The following ZNF391 variants were observed in gnomAD, a reference collection of about 807,000 sequenced individuals.
ZNF391 encodes zinc finger protein 391.
For synonymous variants in ZNF391, 126 were observed against 142.1 expected (o/e 0.89, Z 0.80); for missense variants, 375 against 425.5 (o/e 0.88, Z 1.04).
chr6:27,399,747 T>C (rs1231785966), intron 2 of ZNF391, among the ~76,000 whole-genome samples, 197 bp downstream of exon 2: 1 of 152,212 alleles, frequency 6.6e-6, no homozygotes, highest in Admixed American at 6.5e-5. Context: ...TTTAGAAGAA[T>C]ACCTGAAGTA....
chr6:27,382,461 G>A lies in ZNF391; in HGVS notation n.523+7324G>A, dbSNP rs530359623. Among the ~76,000 whole-genome samples the A allele has an allele frequency of 8.1e-4, 123 of 152,164 alleles. 2 individuals are homozygous for A. The South Asian group carries it at 0.024, about 30-fold the overall frequency. On this transcript the variant is annotated intron_variant and non_coding_transcript_variant, in intron 1 of 2. Coordinates refer to the ZNF391 transcript ENST00000477999. Reference sequence around the variant, plus strand: ...ATATCAAGAAAATACAAGAAAATACGAAAAAGGCACAAAATGAAACAAAAC... The same window carrying A: ...ATATCAAGAAAATACAAGAAAATACAAAAAAGGCACAAAATGAAACAAAAC...
intron 1 of ZNF391, among the ~76,000 whole-genome samples, chr6:27,392,985 A>G (rs1193001307): frequency 1.4e-5 from 1 of 71,256 alleles, no homozygotes; most frequent in Non-Finnish European, 3.5e-5. Context: ...ATTTCTGGAG[A>G]CTACTTCCAA....
At chr6:27,398,441 A>G (rs1761875708) in intron 1 of ZNF391, among the ~76,000 whole-genome samples, 1 of 152,096 alleles carries the variant, frequency 6.6e-6, no homozygotes. Flanking sequence ...TTGGTGTTCC[A>G]GGAGAGGTCC....
upstream of ZNF391, among the ~76,000 whole-genome samples, chr6:27,383,766 A>AT (rs1761542762): frequency 6.6e-6 from 1 of 152,156 alleles, no homozygotes; most frequent in African/African-American, 2.4e-5. Flanking sequence ...CAACTTATAA[A>AT]TTTTGGGGAG....
In ZNF391 at chr6:27,389,152, T is replaced by G. The variant is rs143802030; in HGVS notation, c.-188+77T>G. ...AACGGGCGAAAGGGTCGCGTGTGGTTTGGCTGCAGGTCGGGTCAGGAGGCA... is the reference window on the plus strand; with the variant it reads ...AACGGGCGAAAGGGTCGCGTGTGGTGTGGCTGCAGGTCGGGTCAGGAGGCA... On this transcript the variant is annotated intron_variant, in intron 1 of 2. Coordinates refer to ENST00000244576, the MANE Select transcript of ZNF391 (RefSeq NM_001076781.3). 1.3e-4 allele frequency: 59 copies of G among 456,624 alleles called. 1 individual carries two copies. Among genetic ancestry groups the G allele is most frequent in the African/African-American group, 8.8e-4 (44 of 50,168 alleles). The allele number at this position is 456,624 out of a possible 1,614,324, so 28.3% of individuals were successfully genotyped here.
rs1366659552 is a variant in ZNF391 at position 27,401,402 on chromosome 6, G to C, written c.1032G>C (p.Gln344His). 2.5e-6 allele frequency: 4 copies of C among 1,612,368 alleles called. No homozygotes were observed. The highest frequency in any genetic ancestry group is 3.4e-6 in the Non-Finnish European group (4 of 1,180,022). Reference sequence around the variant, plus strand: ...ATGACTGTGGAAAAGCCTTCTGTCAGAGTTCAACTCTGATCAGACATCAGC... The same window carrying C: ...ATGACTGTGGAAAAGCCTTCTGTCACAGTTCAACTCTGATCAGACATCAGC... ...KCNDCGKAFC[Q>H]SSTLIRHQHL... is the part of the protein sequence containing the mutation. Residue 344 changes from glutamine (Q) to histidine (H), a missense_variant, in exon 3 of 3, where the codon CAG becomes CAC. Coordinates refer to ENST00000244576, the MANE Select transcript of ZNF391 (RefSeq NM_001076781.3).
At chr6:27,396,015 T>G (rs1423122108) in intron 1 of ZNF391, among the ~76,000 whole-genome samples, 1 of 152,210 alleles carries the variant, frequency 6.6e-6, no homozygotes, top group Non-Finnish European at 1.5e-5. Flanking sequence ...CTTTAGAGGC[T>G]TTGTAACTTA....
rs899944168 is a variant in ZNF391, at chr6:27,403,838, A to G, written c.*2391A>G. The G allele has an allele frequency of 1.3e-5, 2 of 152,228 alleles. No individual in the cohort carries two copies. Among genetic ancestry groups the G allele is most frequent in the African/African-American group, 2.4e-5 (1 of 41,458 alleles). The allele number at this position is 152,228 out of a possible 1,614,324, so 9.4% of individuals were successfully genotyped here. On this transcript the variant is annotated 3_prime_UTR_variant, in exon 3 of 3. Coordinates refer to ENST00000244576, the MANE Select transcript of ZNF391 (RefSeq NM_001076781.3). Reference sequence around the variant, plus strand: ...AAAGAATAAGTGAGTTCATTCATGTAAAGTAGTAAAACAGTGCCTGACAAA... The same window carrying G: ...AAAGAATAAGTGAGTTCATTCATGTGAAGTAGTAAAACAGTGCCTGACAAA...
At chr6:27,377,854 G>T (rs1356214111) in intron 1 of ZNF391, among the ~76,000 whole-genome samples, 8 of 152,178 alleles carry the variant, frequency 5.3e-5, no homozygotes, top group Non-Finnish European at 5.9e-5. Context: ...AAATTCAGTG[G>T]TTCCTGCTTT....
At chr6:27,400,164 T>C in intron 2 of ZNF391, 129 bp from the exon 3 acceptor site, 1 of 466,738 alleles carries the variant, frequency 2.1e-6, no homozygotes, top group South Asian at 5.1e-5. Context: ...CACTATCCTT[T>C]TTTGTTTACT....
At chr6:27,380,902 C>T (rs1761490529) in intron 1 of ZNF391, among the ~76,000 whole-genome samples, 1 of 152,112 alleles carries the variant, frequency 6.6e-6, no homozygotes, top group African/African-American at 2.4e-5. Context: ...GTTTACAAAC[C>T]TTGAGTTAGA....
chr6:27,388,259 G>A (rs1363226944), upstream of ZNF391, among the ~76,000 whole-genome samples: 3 of 152,100 alleles, frequency 2.0e-5, no homozygotes, highest in African/African-American at 7.2e-5. Flanking sequence ...AAATCTACTA[G>A]ATTAGGGTAG....
chr6:27,393,240 A>G (rs980961), intron 1 of ZNF391, among the ~76,000 whole-genome samples: 107,742 of 151,806 alleles, frequency 0.71, 38,436 homozygotes, highest in Middle Eastern at 0.8. Context: ...TAACCCTGAC[A>G]ATGAGGTGAT....
chr6:27,382,828 T>C (rs1047086639), intron 1 of ZNF391, among the ~76,000 whole-genome samples: 1 of 152,020 alleles, frequency 6.6e-6, no homozygotes, highest in African/African-American at 2.4e-5. Context: ...AGCATCAAAA[T>C]TGAAAAGCAG....
intron 1 of ZNF391, among the ~76,000 whole-genome samples, chr6:27,382,550 G>C (rs1883403): frequency 6.6e-6 from 1 of 151,920 alleles, no homozygotes; most frequent in Non-Finnish European, 1.5e-5. Flanking sequence ...ACTCACATAT[G>C]GTGGGGATGT....
upstream of ZNF391, among the ~76,000 whole-genome samples, chr6:27,384,786 G>A (rs1372911531): frequency 1.3e-5 from 2 of 152,144 alleles, no homozygotes; most frequent in African/African-American, 4.8e-5. Context: ...GGGAGGCCGA[G>A]GCAGGCAGAC....
chr6:27,398,781 C>T (rs1761884814), intron 1 of ZNF391, among the ~76,000 whole-genome samples: 1 of 152,092 alleles, frequency 6.6e-6, no homozygotes, highest in Admixed American at 6.5e-5. Flanking sequence ...ATGGTGTGAA[C>T]CCGGGAGGCG....
At chr6:27,381,701 G>A (rs1404000309) in intron 1 of ZNF391, among the ~76,000 whole-genome samples, 1 of 152,198 alleles carries the variant, frequency 6.6e-6, no homozygotes, top group Non-Finnish European at 1.5e-5. Context: ...CCGTGCCACT[G>A]CCCTGCAGCC....
rs146459814 is a variant in ZNF391, at chr6:27,396,306, A to G, written c.-187-3136A>G. Among the ~76,000 whole-genome samples, 78 of 152,378 alleles carry G rather than the reference A, an allele frequency of 5.1e-4. No individual in the cohort carries two copies. In the East Asian group the frequency reaches 0.011, roughly 21 times the overall value. Reference sequence around the variant, plus strand: ...CTGGATGAAATAGATGCTTACACCTATTAGAATCACTGAATACAACTACAA... The same window carrying G: ...CTGGATGAAATAGATGCTTACACCTGTTAGAATCACTGAATACAACTACAA... On this transcript the variant is annotated intron_variant, in intron 1 of 2. Coordinates refer to ENST00000244576, the MANE Select transcript of ZNF391 (RefSeq NM_001076781.3).
Sources: allele counts gnomAD v4.1 joint callset (sites outside exome capture counted in the v4.1 genomes callset), GRCh38; gene constraint gnomAD v4.1.1; transcripts MANE v1.5; gene names NCBI Gene and HGNC (gene_info 2026-07-23, HGNC 2026-07-21).